The following NOTO variants were observed in gnomAD, a reference collection of about 807,000 sequenced individuals.
NOTO encodes homeobox protein notochord.
NOTO carries 19 observed loss-of-function variants against 20.5 expected under a neutral mutation model. The observed-to-expected ratio is 0.93, with a 90% CI of 0.65 to 1.36. The LOEUF (loss-of-function observed/expected upper bound fraction) is 1.36. NOTO is among the 40% of genes most tolerant of loss of function. The pLI, the probability that NOTO is intolerant of heterozygous loss-of-function variation, is 0.00. For synonymous variants in NOTO, 150 were observed against 150.2 expected, an observed-to-expected ratio of 1.00 and a Z score of 0.01; for missense variants, 369 against 336.2, an observed-to-expected ratio of 1.10 and a Z score of -0.76.
chr2:73,205,669 G>A (rs895492578), intron 1 of NOTO, among the ~76,000 whole-genome samples: 6 of 151,254 alleles, frequency 4.0e-5, no homozygotes, highest in Non-Finnish European at 8.8e-5. Context: ...TTTGAGACAG[G>A]TTCTCTGTCA....
chr2:73,209,289 T>C (rs1359966516), intron 2 of NOTO, among the ~76,000 whole-genome samples: 2 of 152,130 alleles, frequency 1.3e-5, no homozygotes, highest in African/African-American at 4.8e-5. Flanking sequence ...ATAATTTCTC[T>C]GCTCCTTTTA....
In NOTO at chr2:73,202,894, G is replaced by A. The variant is rs1408923994; in HGVS notation, c.228G>A (p.Pro76=). The A allele has an allele frequency of 1.3e-6, 2 of 1,528,518 alleles. No individual in the cohort carries two copies. The highest frequency in any genetic ancestry group is 2.5e-5 in the East Asian group (1 of 39,500). The allele number at this position is 1,528,518 out of a possible 1,614,324, so 94.7% of individuals were successfully genotyped here. Residue 76 remains proline, a synonymous_variant, in exon 1 of 3, where the codon CCG becomes CCA. Coordinates refer to ENST00000398468, the MANE Select transcript of NOTO (RefSeq NM_001134462.2). ...CGTCGGGCTCCGCCTGCGTCCACCC[G>A]GCCTTCTGGACCGCTGCTTCCCTGT... ...SQPSGSACVH[P]AFWTAASLCA...
At chr2:73,204,245 T>C (rs1360003436) in intron 1 of NOTO, among the ~76,000 whole-genome samples, 1 of 152,102 alleles carries the variant, frequency 6.6e-6, no homozygotes, top group African/African-American at 2.4e-5. Context: ...GCCACTGCAC[T>C]CTAGCCTGGG....
intron 1 of NOTO, among the ~76,000 whole-genome samples, chr2:73,207,037 C>T (rs1012643140): frequency 1.3e-5 from 2 of 151,952 alleles, no homozygotes; most frequent in East Asian, 1.9e-4. Flanking sequence ...TCAGGCTATC[C>T]GCCTGCCTCA....
chr2:73,202,876 C>T lies in NOTO; in HGVS notation c.210C>T (p.Gly70=). The T allele has an allele frequency of 1.3e-6, 2 of 1,527,394 alleles. No individual in the cohort carries two copies. The highest frequency in any genetic ancestry group is 1.8e-6 in the Non-Finnish European group (2 of 1,142,418). 94.6% of individuals were successfully genotyped at this position (1,527,394 alleles called of 1,614,324 possible). ...PCAPAASQPS[G]SACVHPAFWT... is the part of the protein sequence containing the mutation. ...CGCCGGCGGCCTCCCAGCCGTCGGG[C>T]TCCGCCTGCGTCCACCCGGCCTTCT... Residue 70 remains glycine, a synonymous_variant, in exon 1 of 3, where the codon GGC becomes GGT. Coordinates refer to ENST00000398468, the MANE Select transcript of NOTO (RefSeq NM_001134462.2).
At chr2:73,210,433 C>T (rs1249538631) in intron 2 of NOTO, among the ~76,000 whole-genome samples, 1 of 152,172 alleles carries the variant, frequency 6.6e-6, no homozygotes. Flanking sequence ...CTGTTTGTAC[C>T]CCCTTTTGTG....
At chr2:73,205,490 A>G (rs1034155733) in intron 1 of NOTO, among the ~76,000 whole-genome samples, 35 of 152,310 alleles carry the variant, frequency 2.3e-4, no homozygotes, top group African/African-American at 8.4e-4. Flanking sequence ...AGAACAAGAC[A>G]CTGTCTCAAA....
chr2:73,207,404 T>C (rs533681135), intron 1 of NOTO, among the ~76,000 whole-genome samples: 1 of 152,336 alleles, frequency 6.6e-6, no homozygotes, highest in Admixed American at 6.5e-5. Flanking sequence ...CCTAGAATAC[T>C]ATACCCCCAG....
chr2:73,208,693 G>A, intron 2 of NOTO, 79 bp downstream of exon 2: 1 of 949,816 alleles, frequency 1.1e-6, no homozygotes, highest in Admixed American at 2.1e-5. Context: ...AAAGGAGGGT[G>A]GGAGGAAGAT....
intron 1 of NOTO, among the ~76,000 whole-genome samples, chr2:73,206,517 T>A (rs569578653): frequency 6.6e-6 from 1 of 152,220 alleles, no homozygotes; most frequent in African/African-American, 2.4e-5. Context: ...TTTTGTATTT[T>A]TTGTAGAGAT....
rs771062317 is a variant in NOTO at position 73,202,901 on chromosome 2, T to C, written c.235T>C (p.Trp79Arg). Reference protein sequence around the residue: ...SGSACVHPAFWTAASLCATGG... With the variant: ...SGSACVHPAFRTAASLCATGG... ...CTCCGCCTGCGTCCACCCGGCCTTC[T>C]GGACCGCTGCTTCCCTGTGCGCCAC... Residue 79 changes from tryptophan (W) to arginine (R), a missense_variant, in exon 1 of 3, where the codon TGG becomes CGG. By Grantham distance (101) the Trp-to-Arg change is moderately radical. Coordinates refer to ENST00000398468, the MANE Select transcript of NOTO (RefSeq NM_001134462.2). 1 of 1,529,068 alleles carries C rather than the reference T, an allele frequency of 6.5e-7. No individual in the cohort carries two copies. Among genetic ancestry groups the C allele is most frequent in the South Asian group, 1.2e-5 (1 of 83,104 alleles). 94.7% of individuals were successfully genotyped at this position (1,529,068 alleles called of 1,614,324 possible).
At chr2:73,205,039 C>A (rs1686071638) in intron 1 of NOTO, among the ~76,000 whole-genome samples, 1 of 152,024 alleles carries the variant, frequency 6.6e-6, no homozygotes, top group East Asian at 1.9e-4. Context: ...TGCCGCCACA[C>A]CTGGCTAATT....
chr2:73,208,856 A>C (rs1686128126), intron 2 of NOTO, among the ~76,000 whole-genome samples: 1 of 152,210 alleles, frequency 6.6e-6, no homozygotes. Context: ...ATTGATAATA[A>C]AGGATTTCCA....
intron 1 of NOTO, among the ~76,000 whole-genome samples, chr2:73,204,395 C>T (rs553278433): frequency 7.0e-4 from 107 of 152,290 alleles, no homozygotes; most frequent in African/African-American, 2.6e-3. Flanking sequence ...TTCCCCATGT[C>T]CCCACGAAGA....
intron 2 of NOTO, among the ~76,000 whole-genome samples, chr2:73,209,190 A>AG (rs1351501717): frequency 2.6e-5 from 4 of 151,760 alleles, no homozygotes; most frequent in South Asian, 2.1e-4. Flanking sequence ...AAAAAAAAAA[A>AG]AAGAAGAAGA....
chr2:73,204,658 C>T (rs1686061921), intron 1 of NOTO, among the ~76,000 whole-genome samples: 1 of 152,096 alleles, frequency 6.6e-6, no homozygotes, highest in Non-Finnish European at 1.5e-5. Flanking sequence ...CAGTTTACTA[C>T]TTCATGTTAC....
At chr2:73,210,127 C>T (rs1192754091) in intron 2 of NOTO, among the ~76,000 whole-genome samples, 1 of 152,204 alleles carries the variant, frequency 6.6e-6, no homozygotes, top group East Asian at 1.9e-4. Context: ...TATGTGGGCC[C>T]ACGTAAAAGC....
chr2:73,207,345 A>T (rs1468565226), intron 1 of NOTO, among the ~76,000 whole-genome samples: 1 of 152,154 alleles, frequency 6.6e-6, no homozygotes, highest in Non-Finnish European at 1.5e-5. Context: ...GGACTCCCCA[A>T]GGCTAGTGGG....
chr2:73,203,197 T>G, intron 1 of NOTO, 149 bp downstream of exon 1: 1 of 709,042 alleles, frequency 1.4e-6, no homozygotes, highest in Non-Finnish European at 2.0e-6. Flanking sequence ...ACCGTTTACC[T>G]TGCAGTTGAA....
Sources: allele counts gnomAD v4.1 joint callset (sites outside exome capture counted in the v4.1 genomes callset), GRCh38; gene constraint gnomAD v4.1.1; transcripts MANE v1.5; gene names NCBI Gene and HGNC (gene_info 2026-07-23, HGNC 2026-07-21).